The following LRPPRC variants were observed in gnomAD, a reference collection of about 807,000 sequenced individuals.
LRPPRC encodes leucine-rich PPR motif-containing protein, mitochondrial.
Under a neutral mutation model 180.3 loss-of-function variants are expected in LRPPRC, and 120 were observed. The ratio of observed to expected loss-of-function variants is 0.67; its 90% confidence interval spans 0.57 to 0.77. The LOEUF (loss-of-function observed/expected upper bound fraction) is 0.77, where lower values mean the gene tolerates loss of function less well. Ranked by LOEUF, LRPPRC falls within the 30% of genes least tolerant of loss-of-function variation. The pLI is 0.00. For synonymous variants in LRPPRC, 723 were observed against 600.0 expected (o/e 1.21, Z -3.00); for missense variants, 2,012 against 1,657.2 (o/e 1.21, Z -3.72).
chr2:43,906,828 A>AG (rs1558915095), intron 30 of LRPPRC, among the ~76,000 whole-genome samples: 1 of 152,068 alleles, frequency 6.6e-6, no homozygotes, highest in Non-Finnish European at 1.5e-5. Flanking sequence ...TCTAAGGTCC[A>AG]CCCCTGCAGT....
At chr2:43,977,678 CTG>C (rs2103727952) in intron 3 of LRPPRC, among the ~76,000 whole-genome samples, 1 of 152,264 alleles carries the variant, frequency 6.6e-6, no homozygotes, top group Non-Finnish European at 1.5e-5. Flanking sequence ...CACAGTAGGA[CTG>C]TGCTGGCAAT....
intron 11 of LRPPRC, among the ~76,000 whole-genome samples, chr2:43,971,500 A>AAAAAAAAAG (rs2103702241): frequency 1.4e-5 from 2 of 147,866 alleles, no homozygotes; most frequent in South Asian, 2.1e-4. Flanking sequence ...AAAAAAAAAA[A>AAAAAAAAAG]AAAAGAAAAA....
intron 11 of LRPPRC, among the ~76,000 whole-genome samples, chr2:43,970,069 G>T (rs2103696537): frequency 6.6e-6 from 1 of 152,274 alleles, no homozygotes; most frequent in South Asian, 2.1e-4. Context: ...TTTCTCAGAT[G>T]ATAGATTTTT....
Position 43,946,112 on chromosome 2 carries a change from C to T in LRPPRC, c.2210+1G>A. The T allele has an allele frequency of 6.2e-7, 1 of 1,612,466 alleles. No individual in the cohort carries two copies. Among genetic ancestry groups the T allele is most frequent in the Non-Finnish European group, 8.5e-7 (1 of 1,178,770 alleles). ...ACTTGTTTCAGTGCCAGGGTACTCACAATTCTTCTTTCAAGTTCAAGGCAT... is the reference window on the plus strand; with the variant it reads ...ACTTGTTTCAGTGCCAGGGTACTCATAATTCTTCTTTCAAGTTCAAGGCAT... On this transcript the variant is annotated splice_donor_variant, in intron 21 of 37. Coordinates refer to ENST00000260665, the MANE Select transcript of LRPPRC (RefSeq NM_133259.4). LOFTEE classifies it high-confidence loss of function.
chr2:43,904,010 A>G (rs1002039176), intron 31 of LRPPRC: 2 of 152,226 alleles, frequency 1.3e-5, no homozygotes, highest in African/African-American at 2.4e-5. Context: ...TGGCACCATC[A>G]TGGCTCATGG....
In LRPPRC at chr2:43,963,620, C is replaced by T. The variant is rs781402282; in HGVS notation, c.1456G>A (p.Asp486Asn). Residue 486 changes from aspartate (D) to asparagine (N), a missense_variant, in exon 12 of 38, where the codon GAT becomes AAT. Asp to Asn is a conservative substitution (Grantham distance 23, BLOSUM62 1). Coordinates refer to ENST00000260665, the MANE Select transcript of LRPPRC (RefSeq NM_133259.4). ...ATGGCTCGTGCTGAGTTTACACTAT[C>T]AAAGCATGGAATCACATAATCTGTA... ...TYTDYVIPCF[D>N]SVNSARAILQ... 6.2e-7 allele frequency: 1 copy of T among 1,611,118 alleles called. No individual in the cohort carries two copies. The highest frequency in any genetic ancestry group is 1.1e-5 in the South Asian group (1 of 91,006).
At chr2:43,955,422 T>G (rs1245645154) in intron 14 of LRPPRC, among the ~76,000 whole-genome samples, 4 of 150,922 alleles carry the variant, frequency 2.7e-5, no homozygotes, top group African/African-American at 9.8e-5. Flanking sequence ...TGAGCCATGT[T>G]CGTACCACTG....
At chr2:43,945,142 G>A (rs1256288344) in intron 22 of LRPPRC, among the ~76,000 whole-genome samples, 190 bp downstream of exon 22, 1 of 152,100 alleles carries the variant, frequency 6.6e-6, no homozygotes, top group African/African-American at 2.4e-5. Context: ...AAATGTAAAT[G>A]ACAAGCTTGC....
chr2:43,960,438 C>G, intron 13 of LRPPRC, 103 bp downstream of exon 13: 1 of 760,414 alleles, frequency 1.3e-6, no homozygotes. Context: ...TTTAACAAAA[C>G]ATATAAACCT....
At chr2:43,915,228 T>TCA (rs772265395) in intron 29 of LRPPRC, among the ~76,000 whole-genome samples, 1 of 63,264 alleles carries the variant, frequency 1.6e-5, no homozygotes, top group South Asian at 5.8e-4. Context: ...TCTCTCTCTC[T>TCA]CTCTCACACA....
intron 36 of LRPPRC, 102 bp from the exon 37 acceptor site, chr2:43,889,978 C>G (rs74891340): frequency 3.8e-6 from 3 of 798,088 alleles, no homozygotes; most frequent in Non-Finnish European, 6.5e-6. Flanking sequence ...CTTTATCCCA[C>G]GGCAAATGAA....
At chr2:43,985,150 T>A (rs141784024) in intron 1 of LRPPRC, among the ~76,000 whole-genome samples, 72 of 152,156 alleles carry the variant, frequency 4.7e-4, no homozygotes, top group African/African-American at 1.4e-3. Flanking sequence ...ACCATTTTTT[T>A]AAAAAATAAA....
intron 23 of LRPPRC, 85 bp downstream of exon 23, chr2:43,943,602 A>T: frequency 1.8e-6 from 2 of 1,105,372 alleles, no homozygotes; most frequent in Non-Finnish European, 2.8e-6. Context: ...CCCCATCATG[A>T]GGGTATTTAT....
Position 43,979,825 on chromosome 2 carries a change from C to T in LRPPRC, c.469+1G>A, listed in dbSNP as rs1060499785. On this transcript the variant is annotated splice_donor_variant, in intron 3 of 37. Coordinates refer to ENST00000260665, the MANE Select transcript of LRPPRC (RefSeq NM_133259.4). LOFTEE classifies it high-confidence loss of function. ...CACATCATATATTTAAACAATCATACCTAATTTCTGAAGTGTGTCCCATAT... is the reference window on the plus strand; with the variant it reads ...CACATCATATATTTAAACAATCATATCTAATTTCTGAAGTGTGTCCCATAT... 3.1e-6 allele frequency: 5 copies of T among 1,612,864 alleles called. No individual in the cohort carries two copies. Among genetic ancestry groups the T allele is most frequent in the Non-Finnish European group, 4.2e-6 (5 of 1,178,976 alleles).
intron 16 of LRPPRC, 62 bp downstream of exon 16, chr2:43,949,540 C>G: frequency 8.4e-7 from 1 of 1,188,586 alleles, no homozygotes; most frequent in Non-Finnish European, 1.3e-6. Context: ...TCCTCCTAAC[C>G]CATCATTACA....
At position 43,950,598 on chromosome 2, in the gene LRPPRC, G is replaced by C; in HGVS notation, c.1652C>G (p.Ser551Cys). Residue 551 changes from serine (S) to cysteine (C), a missense_variant and splice_region_variant, in exon 15 of 38, where the codon TCT (serine) becomes TGT (cysteine). Coordinates refer to ENST00000260665, the MANE Select transcript of LRPPRC (RefSeq NM_133259.4). Reference protein sequence around the residue: ...RSSLLLGFRRSMNINLWSEIT... With the variant: ...RSSLLLGFRRCMNINLWSEIT... ...CTCGCTCCAAAGATTTATATTCATAGACCTGCAGAGGGCAGCAAAGGATCG... is the reference window on the plus strand; with the variant it reads ...CTCGCTCCAAAGATTTATATTCATACACCTGCAGAGGGCAGCAAAGGATCG... 5.6e-6 allele frequency: 9 copies of C among 1,613,210 alleles called. No individual in the cohort carries two copies. The highest frequency in any genetic ancestry group is 7.6e-6 in the Non-Finnish European group (9 of 1,179,264).
intron 37 of LRPPRC, among the ~76,000 whole-genome samples, chr2:43,889,121 C>T (rs1572881854): frequency 6.6e-6 from 1 of 152,010 alleles, no homozygotes; most frequent in Admixed American, 6.5e-5. Context: ...TCAAGACCAG[C>T]GTGGCCAACA....
chr2:43,934,715 GA>G lies in LRPPRC; in HGVS notation c.2629+38del, dbSNP rs143170527. On this transcript the variant is annotated intron_variant, in intron 24 of 37. Transcript: ENST00000260665. The stretch of plus-strand genomic sequence containing the variant: ...CACTAAGATTAAATCAGCAAGAAGG[GA>G]AAAAAAAACTACATTAAGATACTAG... The G allele has an allele frequency of 4.3e-3, 6,728 of 1,566,624 alleles. 33 individuals are homozygous for G. The highest frequency in any genetic ancestry group is 9.6e-3 in the South Asian group (847 of 88,690).
At chr2:43,930,385 G>A (rs1052335451) in intron 25 of LRPPRC, among the ~76,000 whole-genome samples, 2 of 152,164 alleles carry the variant, frequency 1.3e-5, no homozygotes, top group East Asian at 3.8e-4. Context: ...TTCAAATTCC[G>A]TAACTACTAT....
Sources: gnomAD v4.1 joint callset for allele counts (sites outside exome capture counted in the v4.1 genomes callset) on GRCh38, gnomAD v4.1.1 for gene constraint, MANE v1.5 for transcripts, NCBI Gene and HGNC (gene_info 2026-07-23, HGNC 2026-07-21) for gene names.